The following PNMA6E variants were observed in gnomAD, a reference collection of about 807,000 sequenced individuals.
PNMA6E encodes PNMA family member 6E, also known as paraneoplastic antigen Ma6E.
For missense variants in PNMA6E, 78 were observed against 50.8 expected, an observed-to-expected ratio of 1.53 and a Z score of -1.63; for synonymous variants, 43 against 17.1, an observed-to-expected ratio of 2.52 and a Z score of -3.74.
Position 153,396,744 on chromosome X carries a change from C to T in PNMA6E, c.*162G>A, listed in dbSNP as rs2088809968. ...CCATTTTGTATCAAACGTGGTCATCCGGGTCACAGGGAAGGAATGGGGGTG... is the reference window on the plus strand; with the variant it reads ...CCATTTTGTATCAAACGTGGTCATCTGGGTCACAGGGAAGGAATGGGGGTG... On this transcript the variant is annotated 3_prime_UTR_variant, in exon 2 of 2. Coordinates refer to ENST00000445091, the MANE Select transcript of PNMA6E (RefSeq NM_001367770.1). The T allele has an allele frequency of 6.8e-6, 2 of 293,230 alleles. No individual in the cohort carries two copies. The highest frequency in any genetic ancestry group is 1.2e-5 in the Non-Finnish European group (2 of 167,898). 24.2% of individuals were successfully genotyped at this position (293,230 alleles called of 1,213,427 possible).
chrX:153,399,431 G>A (rs1315729900), intron 1 of PNMA6E, among the ~76,000 whole-genome samples: 2 of 110,450 alleles, frequency 1.8e-5, no homozygotes, highest in Non-Finnish European at 3.8e-5. Flanking sequence ...GTGCAGCCTC[G>A]ACCCCCTGAG....
the PNMA6E span, among the ~76,000 whole-genome samples, chrX:153,409,454 C>T: frequency 4.4e-5 from 5 of 113,102 alleles, no homozygotes; most frequent in Admixed American, 9.2e-5. Context: ...CGGGAGGGCC[C>T]GTGTGCCCTG....
At chrX:153,404,468 G>T (rs782655957), upstream of PNMA6E, among the ~76,000 whole-genome samples, 2 of 110,386 alleles carry the variant, frequency 1.8e-5, no homozygotes, top group African/African-American at 6.6e-5. Context: ...ATATTTCTCC[G>T]AAGATGAGTC....
At chrX:153,409,041 C>T in the PNMA6E span, among the ~76,000 whole-genome samples, 1 of 113,154 alleles carries the variant, frequency 8.8e-6, no homozygotes, top group African/African-American at 3.2e-5. Context: ...CGGCTGCCAA[C>T]CTGCCCCCAG....
chrX:153,403,214 T>TC (rs1277135442), upstream of PNMA6E, among the ~76,000 whole-genome samples: 2 of 112,282 alleles, frequency 1.8e-5, no homozygotes, highest in African/African-American at 3.2e-5. Context: ...GGCGCCCTTT[T>TC]CATTTTTTCC....
chrX:153,400,898 A>T (rs1330283923), intron 1 of PNMA6E, among the ~76,000 whole-genome samples: 1 of 88,625 alleles, frequency 1.1e-5, no homozygotes, highest in Admixed American at 1.3e-4. Context: ...TGGGCGAGTC[A>T]CCCTCCCTCT....
upstream of PNMA6E, among the ~76,000 whole-genome samples, chrX:153,405,135 G>A (rs781802489): frequency 8.9e-6 from 1 of 112,433 alleles, no homozygotes; most frequent in African/African-American, 3.2e-5. Flanking sequence ...TGACAGTTTC[G>A]CTGTCGCCTT....
At chrX:153,407,031 C>G in the PNMA6E span, among the ~76,000 whole-genome samples, 1 of 112,544 alleles carries the variant, frequency 8.9e-6, no homozygotes, top group African/African-American at 3.2e-5. Flanking sequence ...AGCGCTAGCC[C>G]TGGCACGAGA....
At chrX:153,408,560 G>C in the PNMA6E span, among the ~76,000 whole-genome samples, 1 of 112,216 alleles carries the variant, frequency 8.9e-6, no homozygotes, top group Non-Finnish European at 1.9e-5. Context: ...AGGCATTGCC[G>C]CGTGCATTCC....
chrX:153,398,364 G>A lies in PNMA6E; in HGVS notation c.486C>T (p.Gly162=), dbSNP rs1291821665. Residue 162 remains glycine, a synonymous_variant, in exon 2 of 2, where the codon GGC becomes GGT. Coordinates refer to ENST00000445091, the MANE Select transcript of PNMA6E (RefSeq NM_001367770.1). ...CACCTACACCTCCTGCCTCACCTGC[G>A]CCTCCTGCCTCACCTGCTGCTCCTG... ...GEAGAAGEAG[G]AGEAGGVGEA... 24 of 310,706 alleles carry A rather than the reference G, an allele frequency of 7.7e-5. No homozygotes were observed. The highest frequency in any genetic ancestry group is 9.1e-4 in the Middle Eastern group (1 of 1,099). The allele number at this position is 310,706 out of a possible 1,213,427, so 25.6% of individuals were successfully genotyped here.
Position 153,397,463 on chromosome X carries a change from C to T in PNMA6E, c.1387G>A (p.Glu463Lys), listed in dbSNP as rs1158293339. The T allele has an allele frequency of 2.2e-4, 65 of 297,559 alleles. No homozygotes were observed. Among genetic ancestry groups the T allele is most frequent in the Non-Finnish European group, 2.2e-4 (38 of 170,380 alleles). The allele number at this position is 297,559 out of a possible 1,213,427, so 24.5% of individuals were successfully genotyped here. ...QQVLSWARPS[E>K]ALQDTLRGMQ... ...CCTCTCAGGGTATCCTGGAGTGCCTCGCTGGGGCGGGCCCAAGACAGCACC... is the reference window on the plus strand; with the variant it reads ...CCTCTCAGGGTATCCTGGAGTGCCTTGCTGGGGCGGGCCCAAGACAGCACC... Residue 463 changes from glutamate to lysine, a missense_variant, in exon 2 of 2, where the codon GAG becomes AAG. Glu to Lys is a moderately conservative substitution (Grantham distance 56). Transcript: ENST00000445091.
In PNMA6E at chrX:153,400,552, C is replaced by T. The variant is rs187630205; in HGVS notation, c.-72+692G>A. On this transcript the variant is annotated intron_variant, in intron 1 of 1. Coordinates refer to ENST00000445091, the MANE Select transcript of PNMA6E (RefSeq NM_001367770.1). ...TCTGTGGCCTCCCCACAGCCAGGGG[C>T]CCGACAATCCCGCCCTCCACCCCCA... 3.1e-3 allele frequency among the ~76,000 whole-genome samples: 342 copies of T among 111,499 alleles called. 1 individual carries two copies. Among genetic ancestry groups the T allele is most frequent in the African/African-American group, 0.01 (321 of 30,651 alleles).
At position 153,398,765 on chromosome X, in the gene PNMA6E, C is replaced by T. The variant is rs1484845884; in HGVS notation, c.85G>A (p.Asp29Asn). The stretch of plus-strand genomic sequence containing the variant: ...TCCTGGAACTCATGTTCCTTGCAGT[C>T]ATCAGGGATACCCAGGATGAGCAGG... ...RSLLILGIPD[D>N]CKEHEFQEAV... Residue 29 changes from aspartate (D) to asparagine (N), a missense_variant, in exon 2 of 2, where the codon GAC (aspartate) becomes AAC (asparagine). Coordinates refer to ENST00000445091, the MANE Select transcript of PNMA6E (RefSeq NM_001367770.1). The T allele has an allele frequency of 9.9e-6, 3 of 303,644 alleles. No individual in the cohort carries two copies. The highest frequency in any genetic ancestry group is 1.8e-4 in the South Asian group (1 of 5,570). 25.0% of individuals were successfully genotyped at this position (303,644 alleles called of 1,213,427 possible). A position where few individuals can be genotyped will look rare whatever the true frequency, so the allele number is the denominator to read the frequency against.
chrX:153,397,685 C>T lies in PNMA6E; in HGVS notation c.1165G>A (p.Asp389Asn). Residue 389 changes from aspartate to asparagine, a missense_variant, in exon 2 of 2, where the codon GAC becomes AAC. Asp to Asn is a conservative substitution (Grantham distance 23). Transcript: ENST00000445091. ...ACCTGCCCCAGCGCCGCCAGGCAGT[C>T]CAGCGCGGACAAGTTGGTATCTTCC... ...LEEDTNLSAL[D>N]CLAALGQVFR... 1 of 303,538 alleles carries T rather than the reference C, an allele frequency of 3.3e-6. No individual in the cohort carries two copies. Among genetic ancestry groups the T allele is most frequent in the Non-Finnish European group, 5.8e-6 (1 of 173,685 alleles). 25.0% of individuals were successfully genotyped at this position (303,538 alleles called of 1,213,427 possible).
upstream of PNMA6E, chrX:153,404,128 T>G (rs2088866419): frequency 9.5e-6 from 1 of 104,903 alleles, no homozygotes; most frequent in East Asian, 3.1e-4. Flanking sequence ...CAGGTGCACG[T>G]CACAATGCCC....
chrX:153,404,550 A>G (rs2088868399), upstream of PNMA6E, among the ~76,000 whole-genome samples: 1 of 111,782 alleles, frequency 8.9e-6, no homozygotes, highest in Admixed American at 9.5e-5. Context: ...AGACAACTAA[A>G]CTAGCTAAAC....
At chrX:153,412,791 A>G in the PNMA6E span, among the ~76,000 whole-genome samples, 2 of 111,553 alleles carry the variant, frequency 1.8e-5, no homozygotes, top group African/African-American at 6.5e-5. Context: ...ACTCTGAGTG[A>G]CACGGGCATC....
chrX:153,412,232 C>G, the PNMA6E span, among the ~76,000 whole-genome samples: 1 of 112,268 alleles, frequency 8.9e-6, no homozygotes, highest in Non-Finnish European at 1.9e-5. Flanking sequence ...ATCAGCTTAG[C>G]CAAGCCAAGG....
upstream of PNMA6E, among the ~76,000 whole-genome samples, chrX:153,402,464 A>G (rs1010741641): frequency 1.2e-4 from 13 of 111,648 alleles, no homozygotes; most frequent in South Asian, 3.1e-3. Context: ...TTCATTATAC[A>G]GATTACTGCC....
Sources: gnomAD v4.1 joint callset for allele counts (sites outside exome capture counted in the v4.1 genomes callset) on GRCh38, gnomAD v4.1.1 for gene constraint, MANE v1.5 for transcripts, NCBI Gene and HGNC (gene_info 2026-07-23, HGNC 2026-07-21) for gene names.